Variants in SCRG1 observed in about 807,000 individuals in gnomAD.
SCRG1 encodes stimulator of chondrogenesis 1.
In SCRG1, 3 loss-of-function variants were observed where a neutral mutation model predicts 7.7. The ratio of observed to expected loss-of-function variants is 0.39; its 90% CI spans 0.18 to 1.01. SCRG1 has a LOEUF of 1.01. Ranked by LOEUF, SCRG1 falls within the 50% of genes least tolerant of loss-of-function variation. The pLI, the probability that SCRG1 is intolerant of heterozygous loss-of-function variation, is 0.36. For missense variants in SCRG1, 110 were observed against 117.2 expected, an observed-to-expected ratio of 0.94 and a Z score of 0.28; for synonymous variants, 46 against 41.2, an observed-to-expected ratio of 1.12 and a Z score of -0.44.
At chr4:173,507,515 C>T in the SCRG1 span, among the ~76,000 whole-genome samples, 1 of 152,190 alleles carries the variant, frequency 6.6e-6, no homozygotes, top group Non-Finnish European at 1.5e-5. This position sits in a 1 kb window ranked among gnomAD's most constrained non-coding sequence, Gnocchi z 4.4. Context: ...TGGCCCTGTT[C>T]TTTTAAAAAT....
chr4:173,489,874 G>C, the SCRG1 span, among the ~76,000 whole-genome samples: 8 of 152,228 alleles, frequency 5.3e-5, 1 homozygote, highest in Middle Eastern at 0.01. Context: ...TTGGTGTTTT[G>C]AATTGTTTAT....
chr4:173,515,320 T>C, the SCRG1 span, among the ~76,000 whole-genome samples: 1 of 152,202 alleles, frequency 6.6e-6, no homozygotes, highest in Non-Finnish European at 1.5e-5. The surrounding 1 kb of genome is among the most constrained non-coding windows in gnomAD (Gnocchi z 4.6). Context: ...CTTTTCTCCT[T>C]CCACAGGAAA....
the SCRG1 span, among the ~76,000 whole-genome samples, chr4:173,494,253 C>A: frequency 6.6e-6 from 1 of 152,142 alleles, no homozygotes; most frequent in South Asian, 2.1e-4. Flanking sequence ...AGATTGGCAC[C>A]TTAACCTCTT....
the SCRG1 span, among the ~76,000 whole-genome samples, chr4:173,453,333 G>C: frequency 1.3e-5 from 2 of 152,194 alleles, no homozygotes; most frequent in African/African-American, 4.8e-5. Flanking sequence ...CAGAGACATG[G>C]AAACCTCCGG....
chr4:173,455,116 C>A, the SCRG1 span, among the ~76,000 whole-genome samples: 1 of 152,072 alleles, frequency 6.6e-6, no homozygotes, highest in Non-Finnish European at 1.5e-5. Flanking sequence ...GGGGGCCTCC[C>A]ACAATCCTGG....
At chr4:173,458,155 G>T in the SCRG1 span, among the ~76,000 whole-genome samples, 1 of 152,268 alleles carries the variant, frequency 6.6e-6, no homozygotes, top group African/African-American at 2.4e-5. Flanking sequence ...CTCAGAAGTT[G>T]AGTGCTCACG....
chr4:173,486,910 C>A, the SCRG1 span, among the ~76,000 whole-genome samples: 3 of 152,154 alleles, frequency 2.0e-5, no homozygotes, highest in Non-Finnish European at 4.4e-5. Flanking sequence ...TCAGGGCCTC[C>A]TTGTTGGCCA....
the SCRG1 span, among the ~76,000 whole-genome samples, chr4:173,512,856 T>C: frequency 6.6e-6 from 1 of 152,250 alleles, no homozygotes; most frequent in Non-Finnish European, 1.5e-5. Context: ...TGTCATCCGC[T>C]CTTGTAGGGA....
chr4:173,431,274 G>A, the SCRG1 span, among the ~76,000 whole-genome samples: 1 of 152,328 alleles, frequency 6.6e-6, no homozygotes, highest in East Asian at 1.9e-4. Context: ...GAGCATGGGA[G>A]TGGGCAGGGC....
Position 173,391,419 on chromosome 4 carries a change from G to C in SCRG1, c.-5C>G, listed in dbSNP as rs1294299260. The C allele has an allele frequency of 1.2e-6, 2 of 1,613,712 alleles. No homozygotes were observed. Among genetic ancestry groups the C allele is most frequent in the Admixed American group, 1.7e-5 (1 of 59,986 alleles). On this transcript the variant is annotated 5_prime_UTR_variant, in exon 2 of 3. Coordinates refer to ENST00000296506, the MANE Select transcript of SCRG1 (RefSeq NM_007281.4). ...AACAAGTACCATCAGTTTCATTTTG[G>C]CTTTTGGCCCTGAAATAGAAGAAAG...
chr4:173,397,905 G>A (rs1019033019), intron 1 of SCRG1, among the ~76,000 whole-genome samples: 2 of 152,302 alleles, frequency 1.3e-5, no homozygotes, highest in East Asian at 3.9e-4. Flanking sequence ...AGCAGCAAGA[G>A]AGAAGCAAAG....
the SCRG1 span, among the ~76,000 whole-genome samples, chr4:173,434,058 T>A: frequency 6.6e-6 from 1 of 152,200 alleles, no homozygotes; most frequent in Non-Finnish European, 1.5e-5. Flanking sequence ...TAGTGTGGTG[T>A]CCATTTTCTC....
the SCRG1 span, among the ~76,000 whole-genome samples, chr4:173,470,227 A>G: frequency 6.7e-6 from 1 of 149,104 alleles, no homozygotes; most frequent in South Asian, 2.1e-4. Context: ...TGTGTTTACC[A>G]GATAGTATAA....
chr4:173,454,471 G>A, the SCRG1 span, among the ~76,000 whole-genome samples: 2 of 152,114 alleles, frequency 1.3e-5, no homozygotes, highest in African/African-American at 4.8e-5. Context: ...TTTCCACATG[G>A]GATATATACC....
the SCRG1 span, among the ~76,000 whole-genome samples, chr4:173,456,017 G>T: frequency 2.0e-5 from 3 of 152,122 alleles, no homozygotes; most frequent in African/African-American, 7.2e-5. Context: ...TAACAGAGAG[G>T]GGGTCAAGGG....
At chr4:173,432,471 C>T in the SCRG1 span, among the ~76,000 whole-genome samples, 2 of 151,788 alleles carry the variant, frequency 1.3e-5, no homozygotes, top group African/African-American at 2.4e-5. Context: ...CCACTCCCTC[C>T]ATCCCGGTCA....
At chr4:173,458,332 A>C in the SCRG1 span, among the ~76,000 whole-genome samples, 1 of 152,258 alleles carries the variant, frequency 6.6e-6, no homozygotes, top group Non-Finnish European at 1.5e-5. Flanking sequence ...ATATAATGCA[A>C]GTTACATATG....
chr4:173,413,745 G>A, the SCRG1 span, among the ~76,000 whole-genome samples: 2 of 152,184 alleles, frequency 1.3e-5, no homozygotes, highest in Non-Finnish European at 2.9e-5. Flanking sequence ...ACATATTGAG[G>A]TAAGAGGAGG....
the SCRG1 span, among the ~76,000 whole-genome samples, chr4:173,435,373 C>T: frequency 5.3e-5 from 8 of 152,168 alleles, no homozygotes; most frequent in Admixed American, 2.0e-4. Context: ...ATCCTCAGAA[C>T]CAAGGAGGTC....
Sources: allele counts gnomAD v4.1 joint callset (sites outside exome capture counted in the v4.1 genomes callset), GRCh38; gene constraint gnomAD v4.1.1; non-coding constraint Gnocchi (gnomAD v3.1); transcripts MANE v1.5; gene names NCBI Gene and HGNC (gene_info 2026-07-23, HGNC 2026-07-21).